TLN2: variants seen among roughly 807,000 people sequenced by gnomAD.
TLN2 encodes the protein talin-2.
TLN2 carries 118 observed loss-of-function variants against 294.7 expected under a neutral mutation model. The ratio of observed to expected loss-of-function variants is 0.40; its 90% CI spans 0.34 to 0.47. The LOEUF (loss-of-function observed/expected upper bound fraction) is 0.47. TLN2 is among the 20% of genes least tolerant of loss of function. TLN2 has a pLI of 0.84. For missense variants in TLN2, 3,083 were observed against 3,282.2 expected (o/e 0.94, Z 1.48); for synonymous variants, 1,431 against 1,304.5 (o/e 1.10, Z -2.09).
rs377591199 is a variant in TLN2, at chr15:62,499,087, A to AT, written c.-237-90590dup. On this transcript the variant is annotated intron_variant, in intron 1 of 58. Coordinates refer to ENST00000636159, the MANE Select transcript of TLN2 (RefSeq NM_015059.3). The stretch of plus-strand genomic sequence containing the variant: ...CTCTAGGAGTAAACTTGATGACAGA[A>AT]TTTTTTTTTTCTAGGCCATGTTTAT... Among the ~76,000 whole-genome samples the AT allele has an allele frequency of 9.4e-3, 1,424 of 150,930 alleles. 27 individuals are homozygous for AT. Among genetic ancestry groups the AT allele is most frequent in the African/African-American group, 0.033 (1,357 of 41,182 alleles).
At chr15:62,397,531 T>G (rs993351769) in intron 1 of TLN2, among the ~76,000 whole-genome samples, 2 of 152,108 alleles carry the variant, frequency 1.3e-5, no homozygotes, top group African/African-American at 4.8e-5. Flanking sequence ...CCCAAAGCAC[T>G]GGGATTACAG....
intron 38 of TLN2, 36 bp from the exon 39 acceptor site, chr15:62,762,236 G>A (rs200388158): frequency 8.1e-6 from 13 of 1,611,944 alleles, no homozygotes; most frequent in South Asian, 7.7e-5. Context: ...TCATGTCTTC[G>A]ACCCTGACTT....
At chr15:62,650,270 C>A in intron 5 of TLN2, 89 bp downstream of exon 5, 1 of 1,341,892 alleles carries the variant, frequency 7.5e-7, no homozygotes, top group South Asian at 1.2e-5. Context: ...TATTTTGATT[C>A]AAGGGCATCT....
intron 1 of TLN2, among the ~76,000 whole-genome samples, chr15:62,499,394 G>A (rs1434926686): frequency 2.0e-5 from 3 of 152,158 alleles, no homozygotes; most frequent in Admixed American, 6.5e-5. Flanking sequence ...AGGTTGAGGT[G>A]AGCTGAGATT....
At chr15:62,403,866 C>A (rs1006415068) in intron 1 of TLN2, among the ~76,000 whole-genome samples, 6 of 152,202 alleles carry the variant, frequency 3.9e-5, no homozygotes, top group African/African-American at 1.4e-4. Flanking sequence ...ATTTTTCTAT[C>A]ATTTACTATT....
intron 3 of TLN2, among the ~76,000 whole-genome samples, chr15:62,633,195 G>A (rs751826803): frequency 5.9e-5 from 9 of 152,188 alleles, no homozygotes; most frequent in Non-Finnish European, 1.2e-4. Context: ...CCTGGTTAGA[G>A]TCCTGCTCCT....
intron 11 of TLN2, among the ~76,000 whole-genome samples, chr15:62,677,671 T>C (rs911292695): frequency 6.6e-6 from 1 of 152,066 alleles, no homozygotes; most frequent in African/African-American, 2.4e-5. Context: ...GGTAGACTTT[T>C]TTTTCCTTTC....
intron 1 of TLN2, among the ~76,000 whole-genome samples, chr15:62,402,867 C>T (rs1222965311): frequency 6.6e-6 from 1 of 152,210 alleles, no homozygotes; most frequent in Non-Finnish European, 1.5e-5. Context: ...CAGCTATCTC[C>T]TTTCCCTTTT....
At chr15:62,801,096 C>G (rs919794128) in intron 50 of TLN2, among the ~76,000 whole-genome samples, 1 of 152,190 alleles carries the variant, frequency 6.6e-6, no homozygotes, top group Non-Finnish European at 1.5e-5. Context: ...ACTGTGCTTA[C>G]CTGGAGCATT....
At chr15:62,785,953 G>A (rs760525857) in intron 45 of TLN2, among the ~76,000 whole-genome samples, 6 of 152,216 alleles carry the variant, frequency 3.9e-5, no homozygotes, top group Non-Finnish European at 7.3e-5. Context: ...TTGGTTATTG[G>A]CCCTGCATTT....
intron 39 of TLN2, among the ~76,000 whole-genome samples, chr15:62,762,941 C>T (rs897518841): frequency 2.0e-5 from 3 of 152,140 alleles, no homozygotes; most frequent in Non-Finnish European, 2.9e-5. Flanking sequence ...CTGACCTTGT[C>T]GATAGTGGGA....
chr15:62,437,787 C>T (rs989884494), intron 1 of TLN2, among the ~76,000 whole-genome samples: 1 of 151,910 alleles, frequency 6.6e-6, no homozygotes, highest in African/African-American at 2.4e-5. Flanking sequence ...GTCTGTCTGT[C>T]TGCCAATTGG....
chr15:62,816,723 T>G (rs2067145747), intron 52 of TLN2, among the ~76,000 whole-genome samples: 2 of 152,220 alleles, frequency 1.3e-5, no homozygotes, highest in Non-Finnish European at 2.9e-5. Context: ...CACCATACCT[T>G]TAACCCTTTG....
intron 2 of TLN2, among the ~76,000 whole-genome samples, chr15:62,613,522 C>G (rs1323982275): frequency 6.6e-6 from 1 of 152,122 alleles, no homozygotes; most frequent in Non-Finnish European, 1.5e-5. Context: ...ACGGCAGTTT[C>G]TTCCAAAAAT....
intron 1 of TLN2, among the ~76,000 whole-genome samples, chr15:62,557,158 G>A (rs2042651902): frequency 6.6e-6 from 1 of 152,172 alleles, no homozygotes; most frequent in Non-Finnish European, 1.5e-5. Context: ...TTTTCTTCAA[G>A]GAGGATGTGA....
rs116450420 is a variant in TLN2 at position 62,461,804 on chromosome 15, A to G, written c.-238+71119A>G. On this transcript the variant is annotated intron_variant, in intron 1 of 58. Transcript: ENST00000636159. ...AGCATGCACAGGAGCACTCACAGAA[A>G]TTGCTGGTGGCTCAAGAGTGGCCTG... is the stretch of plus-strand genomic sequence containing the variant. Among the ~76,000 whole-genome samples, 828 of 152,316 alleles carry G rather than the reference A, an allele frequency of 5.4e-3. 6 individuals carry two copies. Among genetic ancestry groups the G allele is most frequent in the African/African-American group, 0.018 (732 of 41,578 alleles).
Position 62,736,890 on chromosome 15 carries a change from G to C in TLN2, c.3371G>C (p.Arg1124Thr). Residue 1124 changes from arginine (R) to threonine (T), a missense_variant, in exon 29 of 59, where the codon AGA (arginine) becomes ACA (threonine). By Grantham distance (71) the Arg-to-Thr change is moderately conservative. Coordinates refer to ENST00000636159, the MANE Select transcript of TLN2 (RefSeq NM_015059.3). ...CTTTTTCCCCCAGGGGTGGCTGCTAGAGAGACGGCCCAAGCTCTGAAAACA... is the reference window on the plus strand; with the variant it reads ...CTTTTTCCCCCAGGGGTGGCTGCTACAGAGACGGCCCAAGCTCTGAAAACA... ...GNEHYTGVAA[R>T]ETAQALKTLA... The C allele has an allele frequency of 6.2e-7, 1 of 1,614,006 alleles. No homozygotes were observed. Among genetic ancestry groups the C allele is most frequent in the South Asian group, 1.1e-5 (1 of 91,078 alleles).
chr15:62,669,910 C>G (rs1037827845), intron 9 of TLN2, among the ~76,000 whole-genome samples: 1 of 152,170 alleles, frequency 6.6e-6, no homozygotes. Flanking sequence ...CCCCACAAAC[C>G]GATTCTTGAG....
At chr15:62,483,092 C>A (rs2038197874) in intron 1 of TLN2, among the ~76,000 whole-genome samples, 1 of 152,196 alleles carries the variant, frequency 6.6e-6, no homozygotes, top group Non-Finnish European at 1.5e-5. Flanking sequence ...CAGAGGGAAG[C>A]TCCTTTGCTG....
Sources: gnomAD v4.1 joint callset for allele counts (sites outside exome capture counted in the v4.1 genomes callset) on GRCh38, gnomAD v4.1.1 for gene constraint, MANE v1.5 for transcripts, NCBI Gene and HGNC (gene_info 2026-07-23, HGNC 2026-07-21) for gene names.